The following ANKFN1 variants were observed in gnomAD, a reference collection of about 807,000 sequenced individuals.
ANKFN1 encodes the protein ankyrin repeat and fibronectin type III domain containing 1.
A neutral mutation model predicts 108.7 loss-of-function variants in ANKFN1; 74 were observed. The ratio of observed to expected loss-of-function variants is 0.68; its 90% CI spans 0.56 to 0.83. The LOEUF (loss-of-function observed/expected upper bound fraction) is 0.83, where lower values mean the gene tolerates loss of function less well. Ranked by LOEUF, ANKFN1 falls within the 40% of genes least tolerant of loss-of-function variation. The pLI, the probability that ANKFN1 is intolerant of heterozygous loss-of-function variation, is 0.00. For missense variants in ANKFN1, 1,505 were observed against 1,382.3 expected (o/e 1.09, Z -1.41); for synonymous variants, 547 against 516.2 (o/e 1.06, Z -0.81).
At chr17:56,222,492 C>G (rs926419643) in intron 2 of ANKFN1, among the ~76,000 whole-genome samples, 3 of 152,162 alleles carry the variant, frequency 2.0e-5, no homozygotes, top group African/African-American at 7.2e-5. Context: ...ACAATCAGAA[C>G]AGGTGGCTGT....
intron 1 of ANKFN1, among the ~76,000 whole-genome samples, chr17:56,200,365 A>G (rs1306468263): frequency 6.6e-6 from 1 of 152,252 alleles, no homozygotes; most frequent in African/African-American, 2.4e-5. Context: ...CTCTGCCATG[A>G]ATTGGCTATT....
chr17:56,502,408 T>A (rs546664199), intron 20 of ANKFN1, among the ~76,000 whole-genome samples: 1 of 152,328 alleles, frequency 6.6e-6, no homozygotes, highest in South Asian at 2.1e-4. Flanking sequence ...CGATCATCAT[T>A]CTGTTTCTTA....
chr17:56,392,344 C>T (rs896815726), intron 8 of ANKFN1, among the ~76,000 whole-genome samples: 4 of 152,198 alleles, frequency 2.6e-5, no homozygotes, highest in African/African-American at 9.6e-5. Flanking sequence ...GTCTCTGAAT[C>T]ACCTAAAGCC....
At chr17:56,262,213 CAG>C (rs762937248) in intron 3 of ANKFN1, among the ~76,000 whole-genome samples, 1 of 152,188 alleles carries the variant, frequency 6.6e-6, no homozygotes, top group Non-Finnish European at 1.5e-5. Context: ...CTCCCCAACA[CAG>C]AGTTTCTGAT....
At chr17:56,046,905 T>A (rs564771563) in intron 4 of ANKFN1, among the ~76,000 whole-genome samples, 6 of 152,330 alleles carry the variant, frequency 3.9e-5, no homozygotes, top group Admixed American at 6.5e-5. Flanking sequence ...ACCCATCCTC[T>A]CAGCCTGGGG....
rs1294074019 is a variant in ANKFN1 at position 56,141,923 on chromosome 17, C to CTG, written c.289-85993_289-85992insGT. The stretch of plus-strand genomic sequence containing the variant: ...CCCTCTTTTTCATAACGATGGTGTA[C>CTG]TTTTTTTTTTTTTTTTTTTTTTTTT... On this transcript the variant is annotated intron_variant, in intron 4 of 12. Coordinates refer to the ANKFN1 transcript ENST00000635860. 6.9e-3 allele frequency among the ~76,000 whole-genome samples: 657 copies of CTG among 95,688 alleles called. 16 individuals are homozygous for CTG. Among genetic ancestry groups the CTG allele is most frequent in the African/African-American group, 0.029 (615 of 21,330 alleles). 62.8% of individuals were successfully genotyped at this position (95,688 alleles called of 152,430 possible).
intron 1 of ANKFN1, among the ~76,000 whole-genome samples, chr17:56,199,277 A>G (rs1347477694): frequency 6.6e-6 from 1 of 152,036 alleles, no homozygotes; most frequent in Non-Finnish European, 1.5e-5. Flanking sequence ...CAAAAAAAAA[A>G]AAAAAAAGAC....
intron 1 of ANKFN1, 94 bp downstream of exon 1, chr17:56,153,624 G>A: frequency 6.6e-7 from 1 of 1,517,406 alleles, no homozygotes; most frequent in South Asian, 1.1e-5. Context: ...GAGTGGGCGA[G>A]TGAATTCGGG....
rs567086537 is a variant in ANKFN1, at chr17:56,188,806, A to G, written c.-70-23792A>G. Among the ~76,000 whole-genome samples, 3 of 151,624 alleles carry G rather than the reference A, an allele frequency of 2.0e-5. No individual in the cohort carries two copies. The South Asian group carries it at 6.2e-4, about 32-fold the overall frequency. On this transcript the variant is annotated intron_variant, in intron 1 of 20. Transcript: ENST00000682825. ...GATAGGAGTGTCTTTTGCCCTAATG[A>G]GGCAACTCTTGATGAGCTCCTAGAT...
chr17:56,231,239 T>G (rs181693297), intron 3 of ANKFN1, among the ~76,000 whole-genome samples: 1 of 152,276 alleles, frequency 6.6e-6, no homozygotes. Context: ...TCTTTAAGTA[T>G]TCCATCTCTA....
chr17:56,445,486 T>C (rs887293164), intron 10 of ANKFN1, among the ~76,000 whole-genome samples: 5 of 152,238 alleles, frequency 3.3e-5, no homozygotes, highest in Admixed American at 3.3e-4. Flanking sequence ...TAAAATAGTA[T>C]GTTTGATTAG....
intron 4 of ANKFN1, among the ~76,000 whole-genome samples, chr17:56,049,675 A>C (rs1904740792): frequency 6.7e-6 from 1 of 149,948 alleles, no homozygotes; most frequent in Non-Finnish European, 1.5e-5. Context: ...GTTTACCGAG[A>C]ATGATGATTT....
chr17:56,127,149 C>T (rs536294163), intron 4 of ANKFN1, among the ~76,000 whole-genome samples: 60 of 152,196 alleles, frequency 3.9e-4, no homozygotes, highest in African/African-American at 1.4e-3. Context: ...CACTCAATTC[C>T]TACAGTGCAC....
intron 4 of ANKFN1, among the ~76,000 whole-genome samples, chr17:56,097,573 T>C (rs1905558134): frequency 6.6e-6 from 1 of 152,204 alleles, no homozygotes; most frequent in African/African-American, 2.4e-5. Context: ...CAGTGGTCTG[T>C]TAGGGTGGAG....
Position 56,354,030 on chromosome 17 carries a change from C to T in ANKFN1, c.585C>T (p.Ala195=). ...CAAGGATTCTTCTGAGGACAGGGGC[C>T]CGAGAAAGTCCACACTGTAAGTAAC... ...PIARILLRTG[A]RESPHFVSLE... is the part of the protein sequence containing the mutation. Residue 195 remains alanine (A), a synonymous_variant, in exon 6 of 21, where the codon GCC becomes GCT. Coordinates refer to ENST00000682825, the MANE Select transcript of ANKFN1 (RefSeq NM_001370326.1). 1 of 1,613,686 alleles carries T rather than the reference C, an allele frequency of 6.2e-7. No individual in the cohort carries two copies. Among genetic ancestry groups the T allele is most frequent in the Non-Finnish European group, 8.5e-7 (1 of 1,179,892 alleles).
intron 15 of ANKFN1, among the ~76,000 whole-genome samples, chr17:56,470,607 C>A (rs2050283675): frequency 6.6e-6 from 1 of 152,082 alleles, no homozygotes; most frequent in Non-Finnish European, 1.5e-5. Context: ...ACCTTTCCAT[C>A]ACAACTAAGG....
chr17:56,163,056 A>AAAAAAAG (rs1307768724), intron 1 of ANKFN1, among the ~76,000 whole-genome samples: 1 of 141,964 alleles, frequency 7.0e-6, no homozygotes, highest in Non-Finnish European at 1.5e-5. Context: ...AGAAAAAAAG[A>AAAAAAAG]AAAAAAAAAG....
chr17:56,232,525 G>A (rs1226293599), intron 3 of ANKFN1, among the ~76,000 whole-genome samples: 1 of 152,100 alleles, frequency 6.6e-6, no homozygotes, highest in Admixed American at 6.6e-5. Context: ...CATGCAACAC[G>A]TAGTAATTTC....
chr17:56,395,211 G>T (rs562757664), intron 8 of ANKFN1, among the ~76,000 whole-genome samples: 2 of 152,184 alleles, frequency 1.3e-5, no homozygotes, highest in Non-Finnish European at 2.9e-5. Context: ...GAGAGGTGAC[G>T]AGGGTTCATG....
Sources: gnomAD v4.1 joint callset for allele counts (sites outside exome capture counted in the v4.1 genomes callset) on GRCh38, gnomAD v4.1.1 for gene constraint, MANE v1.5 for transcripts, NCBI Gene and HGNC (gene_info 2026-07-23, HGNC 2026-07-21) for gene names.